LSM6: variants seen among roughly 807,000 people sequenced by gnomAD.
LSM6 encodes the protein LSM6 homolog, U6 small nuclear RNA and mRNA degradation associated.
LSM6 carries 2 observed loss-of-function variants against 13.5 expected under a neutral mutation model. The observed-to-expected ratio is 0.15, with a 90% CI of 0.06 to 0.47. The LOEUF (loss-of-function observed/expected upper bound fraction) is 0.47, where lower values mean the gene tolerates loss of function less well. Ranked by LOEUF, LSM6 falls within the 20% of genes least tolerant of loss-of-function variation. The pLI, the probability that LSM6 is intolerant of heterozygous loss-of-function variation, is 0.97. For missense variants in LSM6, 58 were observed against 96.4 expected (o/e 0.60, Z 1.67); for synonymous variants, 43 against 34.9 (o/e 1.23, Z -0.82).
chr4:146,189,303 T>A lies in LSM6; in HGVS notation c.209-319T>A, dbSNP rs531787619. On this transcript the variant is annotated intron_variant, in intron 3 of 3. Transcript: ENST00000296581. ...CCACCGTGTTCAGCCCTGAAAAGCA[T>A]AATTCTTATACTTCTAACTATAAAG... Among the ~76,000 whole-genome samples the A allele has an allele frequency of 1.1e-4, 16 of 152,338 alleles. No homozygotes were observed. The East Asian group carries it at 3.1e-3, about 29-fold the overall frequency.
intron 1 of LSM6, among the ~76,000 whole-genome samples, chr4:146,179,235 C>T (rs1039155796): frequency 5.9e-5 from 9 of 151,992 alleles, no homozygotes; most frequent in Non-Finnish European, 1.3e-4. Flanking sequence ...CCAGGGTGAC[C>T]CTGAAGAAAG....
At chr4:146,184,322 T>G (rs6839141) in intron 2 of LSM6, among the ~76,000 whole-genome samples, 35,573 of 152,002 alleles carry the variant, frequency 0.23, 4,794 homozygotes, top group Non-Finnish European at 0.3. Context: ...TTCTGAATAA[T>G]TAATAGTCAT....
chr4:146,187,536 C>T (rs1730374821), intron 3 of LSM6, 149 bp downstream of exon 3: 2 of 566,448 alleles, frequency 3.5e-6, no homozygotes, highest in Non-Finnish European at 6.3e-6. Context: ...TCAGTTTGAC[C>T]AGTTATTTTG....
intron 1 of LSM6, 166 bp downstream of exon 1, chr4:146,175,977 C>T: frequency 6.6e-6 from 1 of 152,550 alleles, no homozygotes; most frequent in Non-Finnish European, 1.5e-5. Flanking sequence ...CGGGAAGGGA[C>T]CGCTGGGTGG....
In LSM6 at chr4:146,191,516, G is replaced by A. The variant is rs907056593; in HGVS notation, c.*1860G>A. On this transcript the variant is annotated 3_prime_UTR_variant, in exon 4 of 4. Coordinates refer to ENST00000296581, the MANE Select transcript of LSM6 (RefSeq NM_007080.3). Reference sequence around the variant, plus strand: ...TGCTGCCATTTTTATGGTAATAAAGGACTGTATTATGCACTTGAACCCGCT... The same window carrying A: ...TGCTGCCATTTTTATGGTAATAAAGAACTGTATTATGCACTTGAACCCGCT... 2 of 152,186 alleles carry A rather than the reference G, an allele frequency of 1.3e-5. No individual in the cohort carries two copies. Among genetic ancestry groups the A allele is most frequent in the African/African-American group, 4.8e-5 (2 of 41,428 alleles). The allele number at this position is 152,186 out of a possible 1,614,324, so 9.4% of individuals were successfully genotyped here. A position where few individuals can be genotyped will look rare whatever the true frequency, so the allele number is the denominator to read the frequency against.
In LSM6 at chr4:146,191,081, A is replaced by G. The variant is rs1730459854; in HGVS notation, c.*1425A>G. On this transcript the variant is annotated 3_prime_UTR_variant, in exon 4 of 4. Coordinates refer to ENST00000296581, the MANE Select transcript of LSM6 (RefSeq NM_007080.3). ...TTTTACCGTGTGCACACTGAAAATA[A>G]AACACTTTATGCTATGCTTCAATAA... is the stretch of plus-strand genomic sequence containing the variant. The G allele has an allele frequency of 1.3e-5, 2 of 152,222 alleles. No homozygotes were observed. Among genetic ancestry groups the G allele is most frequent in the African/African-American group, 2.4e-5 (1 of 41,444 alleles). The allele number at this position is 152,222 out of a possible 1,614,324, so 9.4% of individuals were successfully genotyped here. A position where few individuals can be genotyped will look rare whatever the true frequency, so the allele number is the denominator to read the frequency against.
chr4:146,180,315 A>G (rs1031811786), intron 1 of LSM6, among the ~76,000 whole-genome samples: 1 of 152,208 alleles, frequency 6.6e-6, no homozygotes, highest in Non-Finnish European at 1.5e-5. Context: ...ACATTCCCCA[A>G]CCCTGTGCGC....
chr4:146,183,076 T>TA, intron 2 of LSM6, 61 bp downstream of exon 2: 4 of 1,230,846 alleles, frequency 3.2e-6, no homozygotes, highest in Non-Finnish European at 4.8e-6. Flanking sequence ...GACTTACTGA[T>TA]ATTTATTAAC....
At chr4:146,177,672 G>T (rs2110877009) in intron 1 of LSM6, among the ~76,000 whole-genome samples, 1 of 151,970 alleles carries the variant, frequency 6.6e-6, no homozygotes, top group African/African-American at 2.4e-5. Context: ...AGGGCTTATA[G>T]CAGAGATTGT....
chr4:146,176,985 T>C (rs1210261850), intron 1 of LSM6, among the ~76,000 whole-genome samples: 2 of 152,060 alleles, frequency 1.3e-5, no homozygotes, highest in Non-Finnish European at 2.9e-5. Flanking sequence ...TAATTTTACT[T>C]GCTTAAATAT....
intron 1 of LSM6, among the ~76,000 whole-genome samples, chr4:146,181,692 A>G (rs1730235303): frequency 6.6e-6 from 1 of 152,228 alleles, no homozygotes; most frequent in South Asian, 2.1e-4. Context: ...AATCCTTAAA[A>G]TATTGTATCC....
At chr4:146,180,263 T>C (rs1001052965) in intron 1 of LSM6, among the ~76,000 whole-genome samples, 1 of 152,238 alleles carries the variant, frequency 6.6e-6, no homozygotes, top group Non-Finnish European at 1.5e-5. Context: ...TTGCCCTCTC[T>C]GGAATGTAAA....
At chr4:146,183,737 T>C (rs1730281828) in intron 2 of LSM6, 1 of 141,028 alleles carries the variant, frequency 7.1e-6, no homozygotes, top group South Asian at 2.2e-4. Context: ...TCATTTTTTG[T>C]ATTTTTTTTA....
chr4:146,183,427 CAT>C lies in LSM6; in HGVS notation c.94+416_94+417del, dbSNP rs1457436367. 5 of 181,582 alleles carry C rather than the reference CAT, an allele frequency of 2.8e-5. No homozygotes were observed. In the East Asian group the frequency reaches 6.7e-4, roughly 24 times the overall value. The allele number at this position is 181,582 out of a possible 1,614,324, so 11.2% of individuals were successfully genotyped here. A position where few individuals can be genotyped will look rare whatever the true frequency, so the allele number is the denominator to read the frequency against. ...CATTTTACAACCTGAATGTCCCACTCATATAACGTATAATGTGTGTGGCAACA... is the reference window on the plus strand; with the variant it reads ...CATTTTACAACCTGAATGTCCCACTCATAACGTATAATGTGTGTGGCAACA... On this transcript the variant is annotated intron_variant, in intron 2 of 3. Transcript: ENST00000296581.
chr4:146,183,064 G>T (rs1730266161), intron 2 of LSM6, 49 bp downstream of exon 2: 1 of 1,293,876 alleles, frequency 7.7e-7, no homozygotes, highest in African/African-American at 1.5e-5. Context: ...ATAAGTAAAT[G>T]TGACTTACTG....
chr4:146,182,440 T>C (rs1239602510), intron 1 of LSM6, among the ~76,000 whole-genome samples: 2 of 152,250 alleles, frequency 1.3e-5, no homozygotes, highest in Admixed American at 6.5e-5. Context: ...GCCTTTACTT[T>C]TCATCAGCAA....
At chr4:146,176,595 C>T (rs1014090924) in intron 1 of LSM6, 1 of 152,110 alleles carries the variant, frequency 6.6e-6, no homozygotes, top group Non-Finnish European at 1.5e-5. Flanking sequence ...GTGCTAGCTT[C>T]TACTTGAACT....
At chr4:146,177,029 T>G (rs987623841) in intron 1 of LSM6, among the ~76,000 whole-genome samples, 2 of 68,906 alleles carry the variant, frequency 2.9e-5, no homozygotes, top group African/African-American at 6.3e-5. Flanking sequence ...GTGTTTGTGG[T>G]GTGTGTGTGT....
Position 146,186,456 on chromosome 4 carries a change from T to C in LSM6, c.95-818T>C, listed in dbSNP as rs1420246497. On this transcript the variant is annotated intron_variant, in intron 2 of 3. Coordinates refer to ENST00000296581, the MANE Select transcript of LSM6 (RefSeq NM_007080.3). Reference sequence around the variant, plus strand: ...TTTTTCTAGGAAATACCACTTTAAATTAGAGACAGAATTAGAGGCTTACAG... The same window carrying C: ...TTTTTCTAGGAAATACCACTTTAAACTAGAGACAGAATTAGAGGCTTACAG... Among the ~76,000 whole-genome samples the C allele has an allele frequency of 2.0e-5, 3 of 152,128 alleles. No homozygotes were observed. In the East Asian group the frequency reaches 5.8e-4, roughly 29 times the overall value.
Sources: allele counts gnomAD v4.1 joint callset (sites outside exome capture counted in the v4.1 genomes callset), GRCh38; gene constraint gnomAD v4.1.1; transcripts MANE v1.5; gene names NCBI Gene and HGNC (gene_info 2026-07-23, HGNC 2026-07-21).